The following PTPRS variants were observed in gnomAD, a reference collection of about 807,000 sequenced individuals.
PTPRS encodes the protein protein tyrosine phosphatase receptor type S, also known as receptor-type tyrosine-protein phosphatase S.
In PTPRS, 63 loss-of-function variants were observed where a neutral mutation model predicts 215.3. The ratio of observed to expected loss-of-function variants is 0.29; its 90% CI spans 0.24 to 0.36. The LOEUF (loss-of-function observed/expected upper bound fraction) is 0.36, where lower values mean the gene tolerates loss of function less well. PTPRS is among the 10% of genes least tolerant of loss of function. PTPRS has a pLI of 1.00. For missense variants in PTPRS, 2,258 were observed against 2,825.8 expected, an observed-to-expected ratio of 0.80 and a Z score of 4.56; for synonymous variants, 1,404 against 1,191.4, an observed-to-expected ratio of 1.18 and a Z score of -3.68.
In PTPRS at chr19:5,257,321, A is replaced by T. The variant is rs1332451669; in HGVS notation, c.706+696T>A. On this transcript the variant is annotated intron_variant, in intron 8 of 37. Transcript: ENST00000262963. The surrounding 1 kb of genome is among the most constrained non-coding windows in gnomAD (Gnocchi z 4.4). ...GAGTGGGAATTGGAAACTGAGAGTAACAAGCTTCGCTGGGTGCCGTGCCTG... is the reference window on the plus strand; with the variant it reads ...GAGTGGGAATTGGAAACTGAGAGTATCAAGCTTCGCTGGGTGCCGTGCCTG... 2.4e-6 allele frequency: 1 copy of T among 423,576 alleles called. No homozygotes were observed. Among genetic ancestry groups the T allele is most frequent in the Non-Finnish European group, 4.8e-6 (1 of 206,382 alleles). The allele number at this position is 423,576 out of a possible 1,614,324, so 26.2% of individuals were successfully genotyped here. A position where few individuals can be genotyped will look rare whatever the true frequency, so the allele number is the denominator to read the frequency against.
Position 5,231,553 on chromosome 19 carries a change from T to A in PTPRS, c.1912A>T (p.Ser638Cys). The A allele has an allele frequency of 6.2e-7, 1 of 1,608,114 alleles. No individual in the cohort carries two copies. Among genetic ancestry groups the A allele is most frequent in the Non-Finnish European group, 8.5e-7 (1 of 1,179,116 alleles). ...VSVRSTAILV[S>C]WRPPPPETHN... ...GTTTCCGGCGGCGGCGGGCGCCAAC[T>A]TACCAAAATGGCCGTGGAGCGCACG... The change falls in exon 14 of 38, where the codon AGT becomes TGT. Residue 638 changes from serine (S) to cysteine (C), a missense_variant. Ser to Cys is a moderately radical substitution (Grantham distance 112). Around this residue, in one of 6 missense-constraint regions of PTPRS, gnomAD observed 371 missense variants for 446.7 expected, o/e 0.83. Coordinates refer to ENST00000262963, the MANE Select transcript of PTPRS (RefSeq NM_002850.4).
chr19:5,319,995 C>A (rs1239640549), intron 1 of PTPRS, among the ~76,000 whole-genome samples: 1 of 152,174 alleles, frequency 6.6e-6, no homozygotes, highest in African/African-American at 2.4e-5. Flanking sequence ...TTTATTGCTT[C>A]AGGGTCCCGG....
At chr19:5,288,072 CACAG>C (rs1234813051) in intron 1 of PTPRS, among the ~76,000 whole-genome samples, 7 of 151,664 alleles carry the variant, frequency 4.6e-5, no homozygotes, top group Non-Finnish European at 1.0e-4. Context: ...AAAATCAGAC[CACAG>C]ACATACACCA....
At chr19:5,216,885 C>CGG (rs5826875) in intron 25 of PTPRS, 118 bp from the exon 26 acceptor site, 18 of 655,976 alleles carry the variant, frequency 2.7e-5, no homozygotes, top group Admixed American at 1.5e-4. Context: ...ACGCGGACAA[C>CGG]GGGGGGTATG....
intron 1 of PTPRS, among the ~76,000 whole-genome samples, chr19:5,340,354 C>A (rs1361127424): frequency 2.0e-5 from 3 of 151,402 alleles, no homozygotes; most frequent in African/African-American, 4.8e-5. Flanking sequence ...CTTCCAATGC[C>A]GCGCTCTGGG....
intron 30 of PTPRS, 27 bp downstream of exon 30, chr19:5,214,334 A>G: frequency 1.9e-6 from 3 of 1,613,750 alleles, no homozygotes; most frequent in Non-Finnish European, 2.5e-6. Flanking sequence ...CTCCACCCTC[A>G]GCCCCCAGCC....
Position 5,210,863 on chromosome 19 carries a change from C to T in PTPRS, c.5235-58G>A. Reference sequence around the variant, plus strand: ...GCAGGGAGACCCGGCGTGGTACTCACCTGATGCTGCCCGGGAGGGTCAGGA... The same window carrying T: ...GCAGGGAGACCCGGCGTGGTACTCATCTGATGCTGCCCGGGAGGGTCAGGA... On this transcript the variant is annotated intron_variant, in intron 33 of 37. Transcript: ENST00000262963. This position sits in a 1 kb window ranked among gnomAD's most constrained non-coding sequence, Gnocchi z 4.5. The T allele has an allele frequency of 1.3e-6, 2 of 1,576,268 alleles. No homozygotes were observed. Among genetic ancestry groups the T allele is most frequent in the Non-Finnish European group, 1.7e-6 (2 of 1,165,168 alleles).
chr19:5,215,155 C>T, intron 28 of PTPRS, 134 bp downstream of exon 28: 1 of 1,163,688 alleles, frequency 8.6e-7, no homozygotes, highest in Non-Finnish European at 1.2e-6. Context: ...CTAAAGATGC[C>T]CAGTGGCCTC....
chr19:5,264,119 T>C (rs2046228941), intron 5 of PTPRS, among the ~76,000 whole-genome samples: 1 of 151,112 alleles, frequency 6.6e-6, no homozygotes, highest in African/African-American at 2.4e-5. Context: ...ACAGACAGGC[T>C]GGACTGCCCG....
At chr19:5,222,454 G>A (rs912685035) in intron 18 of PTPRS, among the ~76,000 whole-genome samples, 1 of 148,284 alleles carries the variant, frequency 6.7e-6, no homozygotes, top group African/African-American at 2.5e-5. Context: ...AGGTGGAGGA[G>A]GAGGAAGAGG....
In PTPRS at chr19:5,210,818, G is replaced by A; in HGVS notation, c.5235-13C>T. On this transcript the variant is annotated splice_polypyrimidine_tract_variant and intron_variant, in intron 33 of 37. Coordinates refer to ENST00000262963, the MANE Select transcript of PTPRS (RefSeq NM_002850.4). This position sits in a 1 kb window ranked among gnomAD's most constrained non-coding sequence, Gnocchi z 4.5. ...GGCCTTCTGCTGCCTGCAGGCGTTG[G>A]GGGTATGAGCCCAGGGCCGGCAGGG... The A allele has an allele frequency of 6.2e-7, 1 of 1,612,400 alleles. No individual in the cohort carries two copies. The highest frequency in any genetic ancestry group is 8.5e-7 in the Non-Finnish European group (1 of 1,179,750).
intron 9 of PTPRS, among the ~76,000 whole-genome samples, chr19:5,253,266 G>C (rs1054435586): frequency 6.6e-6 from 1 of 152,108 alleles, no homozygotes; most frequent in African/African-American, 2.4e-5. Flanking sequence ...GGAGGAGAAG[G>C]GCAAGCCTGA....
At chr19:5,305,938 TCAAAAAAAAA>T (rs1460867704) in intron 1 of PTPRS, among the ~76,000 whole-genome samples, 2 of 3,496 alleles carry the variant, frequency 5.7e-4, no homozygotes, top group African/African-American at 7.5e-3. Flanking sequence ...AGACTCCGTC[TCAAAAAAAAA>T]AAAAAAAAAA....
chr19:5,269,051 A>G (rs1478388873), intron 4 of PTPRS, among the ~76,000 whole-genome samples: 4 of 152,134 alleles, frequency 2.6e-5, no homozygotes, highest in African/African-American at 7.2e-5. Flanking sequence ...GCCTCACTCA[A>G]TTGGTCTTGG....
rs2043713370 is a variant in PTPRS, at chr19:5,238,802, C to T, written c.1849+117G>A. On this transcript the variant is annotated intron_variant, in intron 13 of 37. Transcript: ENST00000262963. ...GTCGGGGAACAAAGCGGAGACAGGC[C>T]GGGAGGCGCCCCCCACCCACTGCAG... 25 of 1,344,794 alleles carry T rather than the reference C, an allele frequency of 1.9e-5. No individual in the cohort carries two copies. The Middle Eastern group carries it at 8.1e-4, about 43-fold the overall frequency. The allele number at this position is 1,344,794 out of a possible 1,614,324, so 83.3% of individuals were successfully genotyped here.
Position 5,235,067 on chromosome 19 carries a change from A to G in PTPRS, c.1850-3452T>C, listed in dbSNP as rs181289450. Among the ~76,000 whole-genome samples the G allele has an allele frequency of 5.7e-4, 86 of 151,142 alleles. 1 individual carries two copies. Among genetic ancestry groups the G allele is most frequent in the Non-Finnish European group, 8.5e-4 (58 of 67,902 alleles). On this transcript the variant is annotated intron_variant, in intron 13 of 37. Transcript: ENST00000262963. ...GCCATTCTCCTGTCTCAGCCTCCCG[A>G]GTAGCTGGGACTACAGGCGCCCGCC...
chr19:5,219,475 G>A lies in PTPRS; in HGVS notation c.3766-8C>T. Reference sequence around the variant, plus strand: ...GGGACTGGCTGCAAAGGTCTGCAGGGAAAGGAGGGGGGTCTCCATCAGTGT... The same window carrying A: ...GGGACTGGCTGCAAAGGTCTGCAGGAAAAGGAGGGGGGTCTCCATCAGTGT... On this transcript the variant is annotated splice_polypyrimidine_tract_variant and splice_region_variant and intron_variant, in intron 22 of 37. Coordinates refer to ENST00000262963, the MANE Select transcript of PTPRS (RefSeq NM_002850.4). 1 of 1,561,230 alleles carries A rather than the reference G, an allele frequency of 6.4e-7. No homozygotes were observed. Among genetic ancestry groups the A allele is most frequent in the South Asian group, 1.2e-5 (1 of 82,546 alleles).
At chr19:5,329,350 G>T (rs1031547272) in intron 1 of PTPRS, among the ~76,000 whole-genome samples, 4 of 152,158 alleles carry the variant, frequency 2.6e-5, no homozygotes, top group African/African-American at 9.7e-5. Context: ...ACACATCCTG[G>T]CCGATAACAT....
intron 2 of PTPRS, among the ~76,000 whole-genome samples, chr19:5,282,224 A>G (rs768229446): frequency 6.6e-6 from 1 of 151,836 alleles, no homozygotes; most frequent in Non-Finnish European, 1.5e-5. Flanking sequence ...CACCCCCATC[A>G]CTGCAGAGCA....
Sources: gnomAD v4.1 joint callset for allele counts (sites outside exome capture counted in the v4.1 genomes callset) on GRCh38, gnomAD v4.1.1 for gene constraint, gnomAD v4.1.1 regional missense constraint, Gnocchi (gnomAD v3.1) non-coding constraint, MANE v1.5 for transcripts, NCBI Gene and HGNC (gene_info 2026-07-23, HGNC 2026-07-21) for gene names.